Variants in FNTB observed in about 807,000 individuals in gnomAD.
FNTB encodes protein farnesyltransferase subunit beta.
Under a neutral mutation model 59.4 loss-of-function variants are expected in FNTB, and 27 were observed. That is an observed-to-expected ratio of 0.45 (90% CI 0.34 to 0.63). FNTB has a LOEUF of 0.63. Ranked by LOEUF, FNTB falls within the 20% of genes least tolerant of loss-of-function variation. FNTB has a pLI of 0.02. For synonymous variants in FNTB, 230 were observed against 220.7 expected (o/e 1.04, Z -0.37); for missense variants, 449 against 559.6 (o/e 0.80, Z 1.99).
intron 4 of FNTB, among the ~76,000 whole-genome samples, chr14:65,024,228 C>G (rs1439921023): frequency 6.6e-6 from 1 of 152,084 alleles, no homozygotes; most frequent in East Asian, 1.9e-4. Flanking sequence ...CCTGGCTGAA[C>G]ATTGGAATCA....
chr14:65,000,838 A>AAAAAAAG (rs778200008), intron 1 of FNTB, among the ~76,000 whole-genome samples: 15 of 116,022 alleles, frequency 1.3e-4, no homozygotes, highest in African/African-American at 3.1e-4. Context: ...AAAAAAAAAA[A>AAAAAAAG]AAAGAATAGT....
Position 65,054,481 on chromosome 14 carries a change from G to T in FNTB, c.1068-94G>T, listed in dbSNP as rs945622028. On this transcript the variant is annotated intron_variant, in intron 10 of 11. Transcript: ENST00000246166. The surrounding 1 kb of genome is among the most constrained non-coding windows in gnomAD (Gnocchi z 4.4). ...CCACATGGAGGATGGGGGGGGACGT[G>T]TGATTGCACCAGTGGTCTCTGAATT... is the stretch of plus-strand genomic sequence containing the variant. 1 of 1,275,118 alleles carries T rather than the reference G, an allele frequency of 7.8e-7. No homozygotes were observed. The highest frequency in any genetic ancestry group is 1.1e-6 in the Non-Finnish European group (1 of 911,050). The allele number at this position is 1,275,118 out of a possible 1,614,324, so 79.0% of individuals were successfully genotyped here. A position where few individuals can be genotyped will look rare whatever the true frequency, so the allele number is the denominator to read the frequency against.
Position 65,001,160 on chromosome 14 carries a change from G to A in FNTB, c.145-3089G>A, listed in dbSNP as rs1231413862. 6.6e-6 allele frequency among the ~76,000 whole-genome samples: 1 copy of A among 152,114 alleles called. No individual in the cohort carries two copies. Among genetic ancestry groups the A allele is most frequent in the Non-Finnish European group, 1.5e-5 (1 of 68,038 alleles). On this transcript the variant is annotated intron_variant, in intron 1 of 11. Transcript: ENST00000246166. The surrounding 1 kb of genome is among the most constrained non-coding windows in gnomAD (Gnocchi z 5.5). ...TTCTTTTCTCGATTGCAGTTACATT[G>A]TACTAGGAGGTATTATAAGTAATCT...
chr14:65,004,356 A>G (rs574189581), intron 2 of FNTB, 43 bp downstream of exon 2: 12 of 1,586,972 alleles, frequency 7.6e-6, no homozygotes, highest in South Asian at 3.4e-5. Flanking sequence ...GGAGAACACC[A>G]CCATGCAGCA....
intron 4 of FNTB, among the ~76,000 whole-genome samples, chr14:65,026,970 T>G (rs1487293500): frequency 6.6e-6 from 1 of 152,144 alleles, no homozygotes; most frequent in Non-Finnish European, 1.5e-5. Flanking sequence ...ATTTACATGT[T>G]CATGATAGGC....
Position 65,012,211 on chromosome 14 carries a change from A to ACGT in FNTB, c.210-104_210-102dup. ...TTATCCAGTCAGTGATTGCAGGGGG[A>ACGT]CGTCCTGAAGCTGAGTGTTTACCCG... On this transcript the variant is annotated intron_variant, in intron 2 of 11. Transcript: ENST00000246166. This position sits in a 1 kb window ranked among gnomAD's most constrained non-coding sequence, Gnocchi z 5.0. The ACGT allele has an allele frequency of 7.3e-7, 1 of 1,372,438 alleles. No homozygotes were observed. The highest frequency in any genetic ancestry group is 1.0e-6 in the Non-Finnish European group (1 of 980,472). 85.0% of individuals were successfully genotyped at this position (1,372,438 alleles called of 1,614,324 possible). A position where few individuals can be genotyped will look rare whatever the true frequency, so the allele number is the denominator to read the frequency against.
At chr14:65,013,959 G>A (rs185818915) in intron 3 of FNTB, among the ~76,000 whole-genome samples, 6 of 152,308 alleles carry the variant, frequency 3.9e-5, no homozygotes, top group Admixed American at 3.3e-4. Flanking sequence ...GGCACATAGC[G>A]AGTAAGATGA....
chr14:65,007,054 A>C lies in FNTB; in HGVS notation c.209+2741A>C, dbSNP rs983728179. Among the ~76,000 whole-genome samples, 1 of 152,228 alleles carries C rather than the reference A, an allele frequency of 6.6e-6. No individual in the cohort carries two copies. Among genetic ancestry groups the C allele is most frequent in the African/African-American group, 2.4e-5 (1 of 41,458 alleles). On this transcript the variant is annotated intron_variant, in intron 2 of 11. Transcript: ENST00000246166. The surrounding 1 kb of genome is among the most constrained non-coding windows in gnomAD (Gnocchi z 4.9). ...TTACCCGTTTTTATCATTGTTGCCT[A>C]TGAAATTGAGTGTTTTAAAGGATGC... is the stretch of plus-strand genomic sequence containing the variant.
rs149471226 is a variant in FNTB at position 65,053,323 on chromosome 14, G to C, written c.1041G>C (p.Ala347=). Residue 347 remains alanine, a synonymous_variant, in exon 10 of 12, where the codon GCG becomes GCC. Transcript: ENST00000246166. ...EYILMCCQCP[A]GGLLDKPGKS... ...TCCTGATGTGCTGCCAGTGCCCTGC[G>C]GGGGGGCTTCTGGATAAACCTGGCA... 1.3e-5 allele frequency: 19 copies of C among 1,439,832 alleles called. No homozygotes were observed. The highest frequency in any genetic ancestry group is 2.9e-5 in the African/African-American group (2 of 68,362). The allele number at this position is 1,439,832 out of a possible 1,614,324, so 89.2% of individuals were successfully genotyped here. A position where few individuals can be genotyped will look rare whatever the true frequency, so the allele number is the denominator to read the frequency against.
At chr14:65,058,917 A>G (rs1244362145) in intron 11 of FNTB, among the ~76,000 whole-genome samples, 1 of 152,230 alleles carries the variant, frequency 6.6e-6, no homozygotes, top group Non-Finnish European at 1.5e-5. Flanking sequence ...TTCATAAGAA[A>G]GATTGATCTA....
intron 2 of FNTB, chr14:65,006,199 T>C (rs1294016887): frequency 6.2e-7 from 1 of 1,613,774 alleles, no homozygotes; most frequent in East Asian, 2.2e-5. Flanking sequence ...AGAAACTTTT[T>C]CTGATTAGCC....
chr14:65,003,487 G>A (rs1444691088), intron 1 of FNTB: 2 of 151,890 alleles, frequency 1.3e-5, no homozygotes, highest in Non-Finnish European at 2.9e-5. Flanking sequence ...AAACCAACAG[G>A]GTAACAAAAG....
Position 65,044,431 on chromosome 14 carries a change from C to T in FNTB, c.943C>T (p.Leu315=). The T allele has an allele frequency of 6.2e-7, 1 of 1,610,496 alleles. No individual in the cohort carries two copies. The highest frequency in any genetic ancestry group is 8.5e-7 in the Non-Finnish European group (1 of 1,178,650). The part of the protein sequence containing the change: ...AGLLPLLHRA[L]HAQGDPALSM... ...GCTCCTGCCCCTGCTCCACCGCGCACTGCACGCCCAAGGTGAGCCTGGGGA... is the reference window on the plus strand; with the variant it reads ...GCTCCTGCCCCTGCTCCACCGCGCATTGCACGCCCAAGGTGAGCCTGGGGA... Residue 315 remains leucine, a synonymous_variant, in exon 9 of 12, where the codon CTG becomes TTG. Coordinates refer to ENST00000246166, the MANE Select transcript of FNTB (RefSeq NM_002028.4). The surrounding 1 kb of genome is among the most constrained non-coding windows in gnomAD (Gnocchi z 5.5).
chr14:64,989,843 C>T (rs1888120333), intron 1 of FNTB, among the ~76,000 whole-genome samples: 1 of 152,164 alleles, frequency 6.6e-6, no homozygotes, highest in Non-Finnish European at 1.5e-5. Context: ...GAGTTAATAT[C>T]TATAGCTATC....
intron 1 of FNTB, among the ~76,000 whole-genome samples, chr14:64,993,916 T>C (rs553862096): frequency 5.3e-5 from 8 of 151,854 alleles, no homozygotes; most frequent in Non-Finnish European, 1.0e-4. Context: ...AGTGCAGTGG[T>C]GCGATCTCCA....
In FNTB at chr14:65,044,551, A is replaced by T; in HGVS notation, c.955+108A>T. ...AGAGGGGTTGAAATGAGCTCTGTCTATCCTGGATTTTGAGTGCCCAGTGTG... is the reference window on the plus strand; with the variant it reads ...AGAGGGGTTGAAATGAGCTCTGTCTTTCCTGGATTTTGAGTGCCCAGTGTG... On this transcript the variant is annotated intron_variant, in intron 9 of 11. Transcript: ENST00000246166. This position sits in a 1 kb window ranked among gnomAD's most constrained non-coding sequence, Gnocchi z 5.5. 2 of 1,481,786 alleles carry T rather than the reference A, an allele frequency of 1.3e-6. No individual in the cohort carries two copies. The highest frequency in any genetic ancestry group is 1.8e-6 in the Non-Finnish European group (2 of 1,118,820). 91.8% of individuals were successfully genotyped at this position (1,481,786 alleles called of 1,614,324 possible). A position where few individuals can be genotyped will look rare whatever the true frequency, so the allele number is the denominator to read the frequency against.
At chr14:65,039,306 G>C (rs949882438) in intron 7 of FNTB, among the ~76,000 whole-genome samples, 2 of 152,174 alleles carry the variant, frequency 1.3e-5, no homozygotes, top group African/African-American at 2.4e-5. Flanking sequence ...ATGGGGCTGG[G>C]GGTATTGTGT....
chr14:65,045,943 C>T (rs1480791792), intron 9 of FNTB, among the ~76,000 whole-genome samples: 58 of 152,148 alleles, frequency 3.8e-4, no homozygotes, highest in Admixed American at 3.8e-3. Context: ...GCCTTGACCA[C>T]CAGTAGGGAA....
chr14:65,020,003 G>A (rs1252381523), intron 4 of FNTB, among the ~76,000 whole-genome samples: 2 of 152,150 alleles, frequency 1.3e-5, no homozygotes, highest in Non-Finnish European at 2.9e-5. Flanking sequence ...GTGACCTAGA[G>A]TCAAAAAGTC....
Sources: allele counts gnomAD v4.1 joint callset (sites outside exome capture counted in the v4.1 genomes callset), GRCh38; gene constraint gnomAD v4.1.1; non-coding constraint Gnocchi (gnomAD v3.1); transcripts MANE v1.5; gene names NCBI Gene and HGNC (gene_info 2026-07-23, HGNC 2026-07-21).